KDM5A: variants seen among roughly 807,000 people sequenced by gnomAD.
The protein encoded by KDM5A is lysine-specific demethylase 5A.
KDM5A carries 42 observed loss-of-function variants against 193.5 expected under a neutral mutation model. The ratio of observed to expected loss-of-function variants is 0.22; its 90% CI spans 0.17 to 0.28. The LOEUF (loss-of-function observed/expected upper bound fraction) is 0.28, where lower values mean the gene tolerates loss of function less well. Among genes scored for constraint, KDM5A ranks in the 10% least tolerant of loss-of-function variants. The pLI is 1.00. For synonymous variants in KDM5A, 796 were observed against 718.1 expected, an observed-to-expected ratio of 1.11 and a Z score of -1.73; for missense variants, 1,692 against 2,055.1, an observed-to-expected ratio of 0.82 and a Z score of 3.42.
In KDM5A at chr12:346,185, T is replaced by C. The variant is rs1944072578; in HGVS notation, c.1308+4436A>G. Among the ~76,000 whole-genome samples the C allele has an allele frequency of 2.0e-5, 3 of 152,204 alleles. No homozygotes were observed. In the South Asian group the frequency reaches 6.2e-4, roughly 32 times the overall value. On this transcript the variant is annotated intron_variant, in intron 10 of 27. Transcript: ENST00000399788. ...AATCTAGAAGAAATGGATAAATTCC[T>C]GGACACATACACTCTCCCAAGACTA... is the stretch of plus-strand genomic sequence containing the variant.
intron 3 of KDM5A, among the ~76,000 whole-genome samples, chr12:375,993 A>G (rs984313004): frequency 6.6e-6 from 1 of 152,206 alleles, no homozygotes; most frequent in African/African-American, 2.4e-5. Flanking sequence ...TGCCCCTACG[A>G]GGCGGTGCCT....
chr12:343,602 C>T (rs535287268), intron 10 of KDM5A, among the ~76,000 whole-genome samples: 135 of 152,320 alleles, frequency 8.9e-4, no homozygotes, highest in African/African-American at 3.1e-3. Context: ...GCAGCCTCCA[C>T]TGGTGATACC....
At chr12:330,216 A>G (rs1943848996) in intron 13 of KDM5A, among the ~76,000 whole-genome samples, 1 of 152,114 alleles carries the variant, frequency 6.6e-6, no homozygotes, top group South Asian at 2.1e-4. Context: ...GAAAAAAATC[A>G]TACTGTGGGA....
intron 10 of KDM5A, 27 bp from the exon 11 acceptor site, chr12:334,449 G>C: frequency 6.3e-7 from 1 of 1,590,202 alleles, no homozygotes; most frequent in Non-Finnish European, 8.6e-7. Context: ...AACTGTAAAT[G>C]AAAGATCAGA....
intron 3 of KDM5A, among the ~76,000 whole-genome samples, chr12:373,834 T>C (rs982231112): frequency 6.6e-6 from 1 of 152,244 alleles, no homozygotes; most frequent in African/African-American, 2.4e-5. Context: ...CATTTCGTTA[T>C]GTACCCAGTA....
chr12:293,456 T>C (rs540828706), intron 26 of KDM5A, among the ~76,000 whole-genome samples: 48 of 152,286 alleles, frequency 3.2e-4, no homozygotes, highest in Non-Finnish European at 5.7e-4. Flanking sequence ...AATGGTAAAC[T>C]TTATGTTATG....
At chr12:383,619 CA>C (rs1488678538) in intron 3 of KDM5A, among the ~76,000 whole-genome samples, 1 of 152,082 alleles carries the variant, frequency 6.6e-6, no homozygotes, top group African/African-American at 2.4e-5. Context: ...ATTTATTTTG[CA>C]TATTGTATAT....
At chr12:300,425 G>A (rs1031521388) in intron 24 of KDM5A, among the ~76,000 whole-genome samples, 7 of 152,206 alleles carry the variant, frequency 4.6e-5, no homozygotes, top group Non-Finnish European at 8.8e-5. Context: ...ACCTGCTCCT[G>A]AATGACTACT....
At chr12:371,563 T>C (rs1344837280) in intron 3 of KDM5A, among the ~76,000 whole-genome samples, 1 of 152,224 alleles carries the variant, frequency 6.6e-6, no homozygotes, top group Non-Finnish European at 1.5e-5. Flanking sequence ...GTTGCTTGTT[T>C]ACTCTGATGG....
intron 4 of KDM5A, 81 bp downstream of exon 4, chr12:365,853 C>G: frequency 6.9e-7 from 1 of 1,448,506 alleles, no homozygotes; most frequent in Non-Finnish European, 9.7e-7. Context: ...TGCCTGCTAA[C>G]TTGGGTTAAA....
chr12:388,290 T>C (rs1189696096), intron 1 of KDM5A: 1 of 455,922 alleles, frequency 2.2e-6, no homozygotes, highest in Non-Finnish European at 4.4e-6. Flanking sequence ...GCAATAACTG[T>C]GATTCTAAAA....
rs541050894 is a variant in KDM5A at position 308,126 on chromosome 12, TG to T, written c.3379-122del. 5.3e-4 allele frequency: 591 copies of T among 1,122,474 alleles called. 1 individual carries two copies. Among genetic ancestry groups the T allele is most frequent in the Non-Finnish European group, 6.9e-4 (530 of 768,188 alleles). The allele number at this position is 1,122,474 out of a possible 1,614,324, so 69.5% of individuals were successfully genotyped here. ...CAGTTATAAACAGTTTCCTAAAATG[TG>T]GGGCCCCTGGCGGTTTCCATGCAAA... On this transcript the variant is annotated intron_variant, in intron 22 of 27. Transcript: ENST00000399788.
In KDM5A at chr12:389,144, C is replaced by T. The variant is rs751202922; in HGVS notation, c.-53G>A. On this transcript the variant is annotated 5_prime_UTR_variant, in exon 1 of 28. Transcript: ENST00000399788. ...CCCGTGGGGAACCGGTGGAGAAAAG[C>T]TGGCTGAAGCCCACTAAGCCCGTTC... The T allele has an allele frequency of 1.9e-6, 3 of 1,544,814 alleles. No homozygotes were observed. The highest frequency in any genetic ancestry group is 2.7e-6 in the Non-Finnish European group (3 of 1,120,618).
intron 19 of KDM5A, among the ~76,000 whole-genome samples, chr12:317,250 C>T (rs1328756466): frequency 6.6e-6 from 1 of 152,116 alleles, no homozygotes; most frequent in African/African-American, 2.4e-5. Context: ...CCTGAACACG[C>T]CCTAAATATT....
In KDM5A at chr12:285,456, C is replaced by T. The variant is rs1207843423; in HGVS notation, c.5073G>A (p.Ter1691=). ...ATGTCCCAAACTAACCAAGCATCTG[C>T]TAACTGGTCTCTTTAAGATCCTCCA... The part of the protein sequence containing the change: ...LPMEDLKETS[*] The change falls in exon 28 of 28, where the codon TAG becomes TAA. Residue 1691 remains the stop codon, a stop_retained_variant. Transcript: ENST00000399788. 2 of 1,613,556 alleles carry T rather than the reference C, an allele frequency of 1.2e-6. No individual in the cohort carries two copies. Among genetic ancestry groups the T allele is most frequent in the African/African-American group, 1.3e-5 (1 of 74,902 alleles).
At chr12:384,521 T>C (rs914109813) in intron 2 of KDM5A, among the ~76,000 whole-genome samples, 6 of 152,314 alleles carry the variant, frequency 3.9e-5, no homozygotes, top group African/African-American at 9.6e-5. Context: ...ACAGCTGTAA[T>C]AGAGGTACTC....
At chr12:350,570 G>A (rs369350081) in intron 10 of KDM5A, 51 bp downstream of exon 10, 3 of 1,587,650 alleles carry the variant, frequency 1.9e-6, no homozygotes, top group Non-Finnish European at 2.6e-6. Context: ...AGTTTTCAAT[G>A]CAAAAGCTAA....
intron 24 of KDM5A, among the ~76,000 whole-genome samples, chr12:297,885 G>C (rs191629251): frequency 6.6e-6 from 1 of 152,180 alleles, no homozygotes; most frequent in Non-Finnish European, 1.5e-5. Flanking sequence ...GCCAGACCTC[G>C]TTCTGTCCAG....
chr12:321,973 T>C (rs1943723282), intron 17 of KDM5A, among the ~76,000 whole-genome samples: 1 of 152,156 alleles, frequency 6.6e-6, no homozygotes, highest in Non-Finnish European at 1.5e-5. Flanking sequence ...AATAAGTAGA[T>C]TAGTGTATCA....
Sources: gnomAD v4.1 joint callset for allele counts (sites outside exome capture counted in the v4.1 genomes callset) on GRCh38, gnomAD v4.1.1 for gene constraint, MANE v1.5 for transcripts, NCBI Gene and HGNC (gene_info 2026-07-23, HGNC 2026-07-21) for gene names.